DNAH12: variants seen among roughly 807,000 people sequenced by gnomAD.
DNAH12 encodes the protein axonemal beta dynein heavy chain 12.
In DNAH12, 285 loss-of-function variants were observed where a neutral mutation model predicts 371.5. That is an observed-to-expected ratio of 0.77 (90% CI 0.70 to 0.85). The LOEUF is 0.85. Among genes scored for constraint, DNAH12 ranks in the 40% least tolerant of loss-of-function variants. The pLI is 0.00. For synonymous variants in DNAH12, 1,200 were observed against 1,213.0 expected, an observed-to-expected ratio of 0.99 and a Z score of 0.22; for missense variants, 3,611 against 3,689.4, an observed-to-expected ratio of 0.98 and a Z score of 0.55.
intron 11 of DNAH12, among the ~76,000 whole-genome samples, chr3:57,496,325 G>A (rs2067320673): frequency 6.6e-6 from 1 of 151,852 alleles, no homozygotes; most frequent in Non-Finnish European, 1.5e-5. Context: ...TAAATTTTGG[G>A]GGTAATTCAA....
the DNAH12 span, among the ~76,000 whole-genome samples, chr3:57,551,101 T>G: frequency 4.1e-5 from 6 of 147,378 alleles, no homozygotes; most frequent in African/African-American, 1.0e-4. Flanking sequence ...CTCCTGACCT[T>G]GTGATCCACC....
intron 2 of DNAH12, among the ~76,000 whole-genome samples, chr3:57,526,404 TTTTTG>T (rs1292451366): frequency 3.9e-5 from 6 of 151,996 alleles, no homozygotes; most frequent in Admixed American, 6.5e-5. Flanking sequence ...GGGTTTTTTG[TTTTTG>T]TTTTGTTTTA....
chr3:57,489,803 TAA>T, intron 11 of DNAH12, 116 bp from the exon 12 acceptor site: 1 of 1,106,598 alleles, frequency 9.0e-7, no homozygotes, highest in Non-Finnish European at 1.2e-6. Context: ...TCTTTTTTGC[TAA>T]GTGACTAAAA....
chr3:57,471,329 T>C (rs945441779), intron 15 of DNAH12, 143 bp downstream of exon 15: 18 of 462,622 alleles, frequency 3.9e-5, no homozygotes, highest in Non-Finnish European at 5.6e-5. Context: ...TAAATATATA[T>C]GTATATATGT....
chr3:57,478,380 A>C (rs2066611856), intron 13 of DNAH12, among the ~76,000 whole-genome samples: 1 of 152,232 alleles, frequency 6.6e-6, no homozygotes, highest in Admixed American at 6.5e-5. Flanking sequence ...GAGAAAAAAG[A>C]ATAAAAAGAA....
At chr3:57,417,716 C>G (rs1048441330) in intron 37 of DNAH12, among the ~76,000 whole-genome samples, 2 of 152,144 alleles carry the variant, frequency 1.3e-5, no homozygotes, top group Non-Finnish European at 2.9e-5. Context: ...ATCACTCATG[C>G]CCATTCCTTC....
At chr3:57,513,421 A>C (rs752201837) in intron 4 of DNAH12, among the ~76,000 whole-genome samples, 5 of 152,150 alleles carry the variant, frequency 3.3e-5, no homozygotes, top group Non-Finnish European at 7.4e-5. Context: ...GGTGCAGCAA[A>C]CCACCATGGC....
At chr3:57,315,219 C>G (rs531180889) in intron 65 of DNAH12, among the ~76,000 whole-genome samples, 1 of 151,992 alleles carries the variant, frequency 6.6e-6, no homozygotes, top group African/African-American at 2.4e-5. Flanking sequence ...AAGTAAATTT[C>G]AAGTATGATA....
intron 30 of DNAH12, among the ~76,000 whole-genome samples, chr3:57,435,854 T>C (rs887641468): frequency 3.4e-4 from 39 of 115,514 alleles, no homozygotes; most frequent in African/African-American, 1.3e-3. Flanking sequence ...GGGTTGATTG[T>C]ACTATTCCCT....
At chr3:57,364,511 C>T (rs1473783730) in intron 57 of DNAH12, among the ~76,000 whole-genome samples, 3 of 151,870 alleles carry the variant, frequency 2.0e-5, no homozygotes, top group African/African-American at 4.8e-5. Flanking sequence ...AAAAAAAATA[C>T]ATATTTGGGG....
chr3:57,429,957 T>C (rs1177798165), intron 32 of DNAH12, among the ~76,000 whole-genome samples, 183 bp from the exon 33 acceptor site: 2 of 152,160 alleles, frequency 1.3e-5, no homozygotes, highest in African/African-American at 4.8e-5. Context: ...AGCAAATACT[T>C]AACATCTCCG....
intron 52 of DNAH12, 96 bp from the exon 53 acceptor site, chr3:57,377,318 T>C (rs1249098202): frequency 6.6e-6 from 1 of 152,152 alleles, no homozygotes; most frequent in South Asian, 2.1e-4. Flanking sequence ...TAGAAATGCA[T>C]TGTAATAAAT....
At chr3:57,521,628 T>C (rs1425681028) in intron 4 of DNAH12, among the ~76,000 whole-genome samples, 1 of 152,244 alleles carries the variant, frequency 6.6e-6, no homozygotes, top group Non-Finnish European at 1.5e-5. Context: ...TGGCTCCGCC[T>C]GTAATCCCAG....
chr3:57,485,295 T>C (rs1317024872), intron 12 of DNAH12, among the ~76,000 whole-genome samples: 2 of 152,128 alleles, frequency 1.3e-5, no homozygotes, highest in Non-Finnish European at 1.5e-5. Flanking sequence ...CATCGACCAA[T>C]GAGTGGATAA....
At chr3:57,477,278 TC>T (rs1472079634) in intron 13 of DNAH12, among the ~76,000 whole-genome samples, 8 of 152,130 alleles carry the variant, frequency 5.3e-5, no homozygotes, top group African/African-American at 1.9e-4. Flanking sequence ...GGAGATTATA[TC>T]CTGTGCATGG....
chr3:57,541,105 T>A (rs1402128988), intron 2 of DNAH12, among the ~76,000 whole-genome samples: 1 of 151,080 alleles, frequency 6.6e-6, no homozygotes, highest in African/African-American at 2.4e-5. Flanking sequence ...AGTGGTGTGA[T>A]CTCAGCTCAC....
At chr3:57,381,344 AT>A (rs2063386949) in intron 50 of DNAH12, among the ~76,000 whole-genome samples, 1 of 151,974 alleles carries the variant, frequency 6.6e-6, no homozygotes, top group African/African-American at 2.4e-5. Flanking sequence ...AAAAAAAAAA[AT>A]CTAATTCTTT....
At chr3:57,362,043 A>G (rs973129160) in intron 58 of DNAH12, among the ~76,000 whole-genome samples, 1,996 of 146,386 alleles carry the variant, frequency 0.014, 31 homozygotes, top group Non-Finnish European at 0.019. Flanking sequence ...CTCCCAGTGT[A>G]TGATGTTCCC....
At chr3:57,322,512 A>G in intron 64 of DNAH12, 29 bp from the exon 65 acceptor site, 5 of 1,540,270 alleles carry the variant, frequency 3.2e-6, no homozygotes, top group Non-Finnish European at 4.4e-6. Flanking sequence ...AGAGCATTAT[A>G]CAAGATAGCA....
Sources: gnomAD v4.1 joint callset for allele counts (sites outside exome capture counted in the v4.1 genomes callset) on GRCh38, gnomAD v4.1.1 for gene constraint, MANE v1.5 for transcripts, NCBI Gene and HGNC (gene_info 2026-07-23, HGNC 2026-07-21) for gene names.